PARP4: variants seen among roughly 807,000 people sequenced by gnomAD.
The protein encoded by PARP4 is poly(ADP-ribose) polymerase family member 4.
Under a neutral mutation model 187.7 loss-of-function variants are expected in PARP4, and 120 were observed. The ratio of observed to expected loss-of-function variants is 0.64; its 90% CI spans 0.55 to 0.74. The LOEUF (loss-of-function observed/expected upper bound fraction) is 0.74. PARP4 is among the 30% of genes least tolerant of loss of function. The pLI is 0.00. For synonymous variants in PARP4, 654 were observed against 740.9 expected (o/e 0.88, Z 1.90); for missense variants, 1,836 against 2,070.5 (o/e 0.89, Z 2.20).
chr13:24,485,158 G>C (rs529303823), intron 11 of PARP4, among the ~76,000 whole-genome samples: 105 of 151,900 alleles, frequency 6.9e-4, no homozygotes, highest in South Asian at 1.5e-3. Context: ...TTTCCTTGTG[G>C]TTACCCATTT....
chr13:24,433,588 A>C (rs1210962237), intron 31 of PARP4, among the ~76,000 whole-genome samples: 3 of 152,224 alleles, frequency 2.0e-5, no homozygotes, highest in Admixed American at 6.5e-5. Context: ...GACCATCTGC[A>C]GTATGCTCCT....
intron 21 of PARP4, 40 bp downstream of exon 21, chr13:24,456,301 T>C (rs1435393427): frequency 2.7e-6 from 4 of 1,500,148 alleles, no homozygotes; most frequent in Non-Finnish European, 1.8e-6. Context: ...GAAACATTTT[T>C]TCAATAGTGT....
rs757147274 is a variant in PARP4 at position 24,443,655 on chromosome 13, G to A, written c.3442C>T (p.His1148Tyr). ...TTACAATGAAAAGAACAAACCTCAT[G>A]ACTGGTTTCATTTTCGTGAAGAATG... is the stretch of plus-strand genomic sequence containing the variant. The part of the protein sequence containing the change: ...DGILHENETS[H>Y]EMKKQTLKSL... The change falls in exon 28 of 34, where the codon CAT (histidine) becomes TAT (tyrosine). Residue 1148 changes from histidine (H) to tyrosine (Y), a missense_variant. His to Tyr is a moderately conservative substitution (Grantham distance 83). This residue lies in a region of PARP4 where 47 missense variants were observed against 99.5 expected (regional missense o/e 0.47). Coordinates refer to ENST00000381989, the MANE Select transcript of PARP4 (RefSeq NM_006437.4). The A allele has an allele frequency of 1.0e-5, 16 of 1,601,694 alleles. No homozygotes were observed. The highest frequency in any genetic ancestry group is 6.7e-5 in the Admixed American group (4 of 60,002).
In PARP4 at chr13:24,490,900, C is replaced by G. The variant is rs1185843966; in HGVS notation, c.1054-72G>C. The G allele has an allele frequency of 1.9e-5, 25 of 1,316,194 alleles. No homozygotes were observed. The East Asian group carries it at 5.8e-4, about 31-fold the overall frequency. The allele number at this position is 1,316,194 out of a possible 1,614,324, so 81.5% of individuals were successfully genotyped here. On this transcript the variant is annotated intron_variant, in intron 9 of 33. Transcript: ENST00000381989. ...AATTAATATTTATATCACATTAACA[C>G]TTTCTCAAAAAGATAGGAAAAGTCC...
In PARP4 at chr13:24,490,767, A is replaced by T; in HGVS notation, c.1115T>A (p.Leu372Gln). Residue 372 changes from leucine to glutamine, a missense_variant, in exon 10 of 34, where the codon CTG (leucine) becomes CAG (glutamine). Around this residue, in one of 8 missense-constraint regions of PARP4, gnomAD observed 1,147 missense variants for 1,214.2 expected, o/e 0.94. Transcript: ENST00000381989. ...GCACCTCAAAGCTCGGTATTTGGCCAGGGATGGTGGGTTGGGTTTGGACAA... is the reference window on the plus strand; with the variant it reads ...GCACCTCAAAGCTCGGTATTTGGCCTGGGATGGTGGGTTGGGTTTGGACAA... ...TNLSKPNPPS[L>Q]AKYRALRCKI... 6.2e-7 allele frequency: 1 copy of T among 1,614,096 alleles called. No homozygotes were observed. Among genetic ancestry groups the T allele is most frequent in the Non-Finnish European group, 8.5e-7 (1 of 1,179,922 alleles).
intron 30 of PARP4, among the ~76,000 whole-genome samples, chr13:24,438,099 C>T (rs1171707385): frequency 6.6e-6 from 1 of 152,068 alleles, no homozygotes; most frequent in Non-Finnish European, 1.5e-5. Flanking sequence ...TCACTTGCTT[C>T]CTCTTTCCCT....
At chr13:24,426,840 C>T (rs1323049247) in intron 32 of PARP4, among the ~76,000 whole-genome samples, 4 of 141,358 alleles carry the variant, frequency 2.8e-5, no homozygotes, top group South Asian at 4.5e-4. Flanking sequence ...TGCAGTGAGC[C>T]GAGATCACTC....
intron 15 of PARP4, among the ~76,000 whole-genome samples, chr13:24,470,752 TA>T (rs1555236383): frequency 5.3e-5 from 8 of 151,066 alleles, no homozygotes; most frequent in Non-Finnish European, 7.4e-5. Context: ...AATGAAAAAT[TA>T]AAAAAAAAAA....
At chr13:24,481,872 AG>A (rs972990499) in intron 12 of PARP4, among the ~76,000 whole-genome samples, 10 of 152,308 alleles carry the variant, frequency 6.6e-5, no homozygotes, top group Non-Finnish European at 1.3e-4. Context: ...AACTCTAAAA[AG>A]AAAAAAATAC....
At chr13:24,486,456 T>C (rs577193833) in intron 10 of PARP4, 151 bp from the exon 11 acceptor site, 16 of 581,262 alleles carry the variant, frequency 2.8e-5, no homozygotes, top group South Asian at 5.1e-5. Flanking sequence ...GGAAGTATTA[T>C]GTAGGTATTA....
intron 30 of PARP4, 33 bp downstream of exon 30, chr13:24,441,813 T>G (rs1277211156): frequency 2.6e-6 from 4 of 1,545,972 alleles, no homozygotes; most frequent in Non-Finnish European, 3.5e-6. Flanking sequence ...AAACGAAAGC[T>G]CAATATCAAC....
At chr13:24,479,675 C>T (rs1015019007) in intron 12 of PARP4, among the ~76,000 whole-genome samples, 22 of 151,982 alleles carry the variant, frequency 1.4e-4, no homozygotes, top group Non-Finnish European at 1.0e-4. Context: ...CACCAATCAG[C>T]GCCCTGTCAA....
intron 1 of PARP4, among the ~76,000 whole-genome samples, chr13:24,508,178 A>C (rs2137555733): frequency 7.5e-6 from 1 of 132,584 alleles, no homozygotes; most frequent in African/African-American, 2.5e-5. Context: ...AATTAAAAAC[A>C]ACACACAAAA....
At chr13:24,477,923 G>A (rs1873070623) in intron 13 of PARP4, 66 bp from the exon 14 acceptor site, 4 of 1,234,380 alleles carry the variant, frequency 3.2e-6, no homozygotes, top group African/African-American at 1.5e-5. Context: ...ATTGGCAGAT[G>A]TTTTCATAAA....
At chr13:24,465,772 TAA>T (rs34165229) in intron 17 of PARP4, among the ~76,000 whole-genome samples, 9 of 148,876 alleles carry the variant, frequency 6.0e-5, no homozygotes, top group East Asian at 2.0e-4. Flanking sequence ...CCCAGAACTT[TAA>T]AAAAAAAAAA....
intron 2 of PARP4, among the ~76,000 whole-genome samples, 157 bp from the exon 3 acceptor site, chr13:24,501,991 T>C (rs932633335): frequency 3.3e-5 from 5 of 152,234 alleles, no homozygotes; most frequent in Non-Finnish European, 7.3e-5. Context: ...CAGTTTCTAG[T>C]TACATAAACA....
At chr13:24,490,886 A>AT in intron 9 of PARP4, 58 bp from the exon 10 acceptor site, 1 of 1,376,274 alleles carries the variant, frequency 7.3e-7, no homozygotes, top group Non-Finnish European at 1.0e-6. Context: ...ATTAATATTT[A>AT]TATCACATTA....
At chr13:24,423,980 A>G (rs1869890558) in intron 33 of PARP4, among the ~76,000 whole-genome samples, 1 of 151,826 alleles carries the variant, frequency 6.6e-6, no homozygotes, top group African/African-American at 2.4e-5. Context: ...GGTAATTACA[A>G]AAAGTTTTTT....
At chr13:24,497,919 T>G (rs1305719114) in intron 6 of PARP4, among the ~76,000 whole-genome samples, 197 bp downstream of exon 6, 1 of 152,240 alleles carries the variant, frequency 6.6e-6, no homozygotes, top group Non-Finnish European at 1.5e-5. Flanking sequence ...CCTGCTGTAC[T>G]TTGACCTTGG....
Sources: gnomAD v4.1 joint callset for allele counts (sites outside exome capture counted in the v4.1 genomes callset) on GRCh38, gnomAD v4.1.1 for gene constraint, gnomAD v4.1.1 regional missense constraint, MANE v1.5 for transcripts, NCBI Gene and HGNC (gene_info 2026-07-23, HGNC 2026-07-21) for gene names.